SNX29: variants seen among roughly 807,000 people sequenced by gnomAD.
The protein encoded by SNX29 is sorting nexin-29.
Under a neutral mutation model 102.1 loss-of-function variants are expected in SNX29, and 78 were observed. The ratio of observed to expected loss-of-function variants is 0.76; its 90% CI spans 0.64 to 0.92. The LOEUF (loss-of-function observed/expected upper bound fraction) is 0.92, where lower values mean the gene tolerates loss of function less well. Ranked by LOEUF, SNX29 falls within the 40% of genes least tolerant of loss-of-function variation. The probability of loss-of-function intolerance (pLI) is 0.00; values close to 1 mark genes in which losing one functional copy is unlikely to be tolerated. For synonymous variants in SNX29, 580 were observed against 414.5 expected, an observed-to-expected ratio of 1.40 and a Z score of -4.85; for missense variants, 1,280 against 1,061.7, an observed-to-expected ratio of 1.21 and a Z score of -2.86.
chr16:12,523,348 C>T (rs1443989132), intron 19 of SNX29, among the ~76,000 whole-genome samples: 1 of 152,244 alleles, frequency 6.6e-6, no homozygotes. Flanking sequence ...TCCTCGTGTT[C>T]TGTGAGGTTG....
intron 15 of SNX29, among the ~76,000 whole-genome samples, chr16:12,325,456 T>TG (rs2081086337): frequency 6.6e-6 from 1 of 152,148 alleles, no homozygotes; most frequent in African/African-American, 2.4e-5. Context: ...TTAACAATAA[T>TG]GGGAAAAAAC....
At chr16:12,127,518 C>A (rs1362017141) in intron 12 of SNX29, among the ~76,000 whole-genome samples, 1 of 150,966 alleles carries the variant, frequency 6.6e-6, no homozygotes, top group Non-Finnish European at 1.5e-5. Flanking sequence ...ACCTCCCGGG[C>A]TCAAGTGATC....
intron 14 of SNX29, among the ~76,000 whole-genome samples, chr16:12,266,438 T>G (rs1450696836): frequency 6.6e-6 from 1 of 152,176 alleles, no homozygotes; most frequent in Non-Finnish European, 1.5e-5. Context: ...CACCTGTGCT[T>G]CCAACCAACC....
intron 11 of SNX29, among the ~76,000 whole-genome samples, chr16:12,104,443 C>T (rs1286324863): frequency 6.6e-6 from 1 of 152,112 alleles, no homozygotes; most frequent in African/African-American, 2.4e-5. Flanking sequence ...GTAATCCCAG[C>T]TATACAGGAG....
At chr16:12,131,724 G>T (rs1282389985) in intron 13 of SNX29, among the ~76,000 whole-genome samples, 2 of 152,180 alleles carry the variant, frequency 1.3e-5, no homozygotes, top group Admixed American at 1.3e-4. Context: ...GTGCAAGGGA[G>T]CCCAGAGTTA....
chr16:12,568,770 A>AAC lies in SNX29; in HGVS notation c.*144_*145dup. On this transcript the variant is annotated 3_prime_UTR_variant, in exon 21 of 21. Transcript: ENST00000566228. ...AGCACACGATTCCCAACAGTTACAC[A>AAC]ACACCCCGATTAAACTAATCAGTCT... 7.7e-7 allele frequency: 1 copy of AAC among 1,292,656 alleles called. No individual in the cohort carries two copies. Among genetic ancestry groups the AAC allele is most frequent in the African/African-American group, 1.5e-5 (1 of 67,196 alleles). 80.1% of individuals were successfully genotyped at this position (1,292,656 alleles called of 1,614,324 possible).
chr16:12,006,197 C>G (rs1030727065), intron 3 of SNX29, among the ~76,000 whole-genome samples: 1 of 134,456 alleles, frequency 7.4e-6, no homozygotes, highest in African/African-American at 2.7e-5. Context: ...GACAGAGACC[C>G]TGTCTCTAAA....
Position 12,048,444 on chromosome 16 carries a change from C to T in SNX29, c.572C>T (p.Thr191Ile), listed in dbSNP as rs2050173879. 1.2e-6 allele frequency: 2 copies of T among 1,613,914 alleles called. No homozygotes were observed. The highest frequency in any genetic ancestry group is 1.7e-6 in the Non-Finnish European group (2 of 1,179,862). The change falls in exon 7 of 21, where the codon ACC (threonine) becomes ATC (isoleucine). Residue 191 changes from threonine to isoleucine, a missense_variant. By Grantham distance (89) the Thr-to-Ile change is moderately conservative. Transcript: ENST00000566228. ...DLNGQSKFAP[T>I]VSDLLKESTQ... Reference sequence around the variant, plus strand: ...AACGGGCAGAGTAAGTTTGCTCCCACCGTTTCAGACCTCTTAAAGGAGTCA... The same window carrying T: ...AACGGGCAGAGTAAGTTTGCTCCCATCGTTTCAGACCTCTTAAAGGAGTCA...
intron 18 of SNX29, among the ~76,000 whole-genome samples, chr16:12,456,053 C>T (rs2086525837): frequency 1.3e-5 from 2 of 152,136 alleles, no homozygotes; most frequent in African/African-American, 4.8e-5. Context: ...TTCATTTATT[C>T]ATCTGTTCAT....
chr16:12,212,038 G>C (rs2077198799), intron 14 of SNX29, among the ~76,000 whole-genome samples: 1 of 151,940 alleles, frequency 6.6e-6, no homozygotes, highest in South Asian at 2.1e-4. Context: ...GCTTTCCCCA[G>C]TGCTTCTGAA....
intron 18 of SNX29, chr16:12,443,474 A>G (rs916288739): frequency 1.3e-5 from 2 of 153,648 alleles, no homozygotes; most frequent in Admixed American, 6.5e-5. Flanking sequence ...TTTTTTTGAG[A>G]TAGGGTCTTG....
Position 12,537,616 on chromosome 16 carries a change from A to G in SNX29, c.2318+12775A>G, listed in dbSNP as rs557904576. 2.6e-5 allele frequency among the ~76,000 whole-genome samples: 4 copies of G among 152,304 alleles called. No homozygotes were observed. In the East Asian group the frequency reaches 7.7e-4, roughly 29 times the overall value. The stretch of plus-strand genomic sequence containing the variant: ...TTCAAACTCTCACTTCAGTCCCAAA[A>G]TGATTGAGTTGGCAGCTTAGATATT... On this transcript the variant is annotated intron_variant, in intron 20 of 20. Transcript: ENST00000566228.
chr16:12,132,881 A>T lies in SNX29; in HGVS notation c.1595+3123A>T, dbSNP rs76545587. Among the ~76,000 whole-genome samples, 1,295 of 152,356 alleles carry T rather than the reference A, an allele frequency of 8.5e-3. 17 individuals carry two copies. The highest frequency in any genetic ancestry group is 0.03 in the African/African-American group (1,246 of 41,564). On this transcript the variant is annotated intron_variant, in intron 13 of 20. Coordinates refer to ENST00000566228, the MANE Select transcript of SNX29 (RefSeq NM_032167.5). ...CAGCTGGGTATGTAAGTTTTGAAAA[A>T]TTCCATTGCTGACATGTTCCAGATA...
At chr16:12,166,866 G>C (rs1325324942) in intron 13 of SNX29, among the ~76,000 whole-genome samples, 2 of 152,122 alleles carry the variant, frequency 1.3e-5, no homozygotes, top group Non-Finnish European at 2.9e-5. Context: ...TGGTTTGTTT[G>C]GACTATTTAT....
chr16:12,535,058 G>A (rs1490419153), intron 20 of SNX29, among the ~76,000 whole-genome samples: 2 of 152,154 alleles, frequency 1.3e-5, no homozygotes, highest in Admixed American at 6.5e-5. Context: ...CAAAGCACTG[G>A]GACTCCACAG....
intron 3 of SNX29, among the ~76,000 whole-genome samples, chr16:12,004,372 T>C (rs911644243): frequency 1.3e-5 from 2 of 150,618 alleles, no homozygotes; most frequent in Admixed American, 6.6e-5. Flanking sequence ...AAAATGGCCA[T>C]TGACATTCAC....
At chr16:12,294,120 C>G (rs1453540247) in intron 15 of SNX29, among the ~76,000 whole-genome samples, 1 of 152,234 alleles carries the variant, frequency 6.6e-6, no homozygotes, top group African/African-American at 2.4e-5. Flanking sequence ...ATGTGAGAAT[C>G]GAAATCCTAG....
chr16:12,021,439 C>A (rs992604113), intron 3 of SNX29, among the ~76,000 whole-genome samples: 3 of 150,684 alleles, frequency 2.0e-5, no homozygotes, highest in Non-Finnish European at 4.4e-5. Context: ...AAAAAAAAAT[C>A]AAGTAAATAG....
intron 15 of SNX29, among the ~76,000 whole-genome samples, chr16:12,315,208 G>T (rs376814409): frequency 2.0e-5 from 3 of 152,180 alleles, no homozygotes; most frequent in African/African-American, 4.8e-5. Context: ...CCGGGCTTCA[G>T]TGGGGCCTCC....
Sources: gnomAD v4.1 joint callset for allele counts (sites outside exome capture counted in the v4.1 genomes callset) on GRCh38, gnomAD v4.1.1 for gene constraint, MANE v1.5 for transcripts, NCBI Gene and HGNC (gene_info 2026-07-23, HGNC 2026-07-21) for gene names.